SYNPR: variants seen among roughly 807,000 people sequenced by gnomAD.
SYNPR encodes synaptoporin.
SYNPR carries 23 observed loss-of-function variants against 32.9 expected under a neutral mutation model. The observed-to-expected ratio is 0.70, with a 90% CI of 0.50 to 0.99. SYNPR has a LOEUF of 0.99. Ranked by LOEUF, SYNPR falls within the 50% of genes least tolerant of loss-of-function variation. SYNPR has a pLI of 0.00. For synonymous variants in SYNPR, 146 were observed against 135.9 expected (o/e 1.07, Z -0.52); for missense variants, 318 against 349.3 (o/e 0.91, Z 0.71).
intron 2 of SYNPR, among the ~76,000 whole-genome samples, chr3:63,312,318 T>C (rs1210069059): frequency 5.9e-5 from 9 of 152,008 alleles, no homozygotes; most frequent in Admixed American, 5.9e-4. Flanking sequence ...GGCCAAAGAC[T>C]TAAATTTCTA....
At chr3:63,545,027 G>GA (rs35822196) in intron 3 of SYNPR, among the ~76,000 whole-genome samples, 78,120 of 146,544 alleles carry the variant, frequency 0.53, 20,688 homozygotes, top group East Asian at 0.67. Context: ...TGATTTAGGG[G>GA]AAAAAAAAAA....
intron 3 of SYNPR, among the ~76,000 whole-genome samples, chr3:63,517,287 T>G (rs551611601): frequency 4.5e-4 from 68 of 152,294 alleles, no homozygotes; most frequent in African/African-American, 1.5e-3. Context: ...GGGGAGATAC[T>G]AATGCTTGAG....
rs184145144 is a variant in SYNPR at position 63,389,717 on chromosome 3, C to G, written c.85-91115C>G. Among the ~76,000 whole-genome samples the G allele has an allele frequency of 3.9e-3, 600 of 152,284 alleles. 11 individuals carry two copies. The highest frequency in any genetic ancestry group is 0.014 in the African/African-American group (569 of 41,550). Reference sequence around the variant, plus strand: ...ATGCTGCCACCATAAAATGGATAAACGAATGTCAAGAACACCTGGCATGTA... The same window carrying G: ...ATGCTGCCACCATAAAATGGATAAAGGAATGTCAAGAACACCTGGCATGTA... On this transcript the variant is annotated intron_variant, in intron 2 of 5. Transcript: ENST00000478300.
intron 2 of SYNPR, among the ~76,000 whole-genome samples, chr3:63,342,115 C>T (rs776521111): frequency 4.6e-5 from 7 of 152,134 alleles, no homozygotes; most frequent in Non-Finnish European, 1.0e-4. Context: ...TTGTTGAAAA[C>T]ACTGTCTTCC....
intron 5 of SYNPR, among the ~76,000 whole-genome samples, chr3:63,611,875 A>G (rs1432789833): frequency 1.3e-5 from 2 of 152,080 alleles, no homozygotes. Context: ...TTATGAATAG[A>G]GGGTTTGGAG....
intron 3 of SYNPR, among the ~76,000 whole-genome samples, chr3:63,524,247 A>G (rs914580627): frequency 2.0e-5 from 3 of 152,186 alleles, no homozygotes; most frequent in African/African-American, 7.2e-5. Flanking sequence ...TCACCGAAAA[A>G]AATCATCTCA....
At chr3:63,256,581 T>C (rs533534413) in intron 2 of SYNPR, among the ~76,000 whole-genome samples, 98 of 152,180 alleles carry the variant, frequency 6.4e-4, no homozygotes, top group African/African-American at 2.2e-3. Flanking sequence ...GTCACCATCA[T>C]CAAAGACCAA....
At chr3:63,276,170 C>T (rs905233454), upstream of SYNPR, among the ~76,000 whole-genome samples, 7 of 152,078 alleles carry the variant, frequency 4.6e-5, no homozygotes, top group African/African-American at 1.7e-4. Flanking sequence ...GTTGGCAAAT[C>T]ACTTGGTGGT....
intron 2 of SYNPR, among the ~76,000 whole-genome samples, chr3:63,289,892 A>G (rs2086721712): frequency 6.6e-6 from 1 of 152,072 alleles, no homozygotes; most frequent in Non-Finnish European, 1.5e-5. Flanking sequence ...GCACTTTGGG[A>G]GGCTGAGGCA....
rs148394334 is a variant in SYNPR, at chr3:63,345,457, C to T, written c.84+66715C>T. Among the ~76,000 whole-genome samples, 302 of 152,236 alleles carry T rather than the reference C, an allele frequency of 2.0e-3. 1 individual carries two copies. The highest frequency in any genetic ancestry group is 6.7e-3 in the African/African-American group (279 of 41,534). On this transcript the variant is annotated intron_variant, in intron 2 of 5. Transcript: ENST00000478300. The stretch of plus-strand genomic sequence containing the variant: ...GGGCTGTCTCCATCCCTGGGCCTGT[C>T]GGGCTGCAGAAGAGAAGAAGCCCTC...
chr3:63,211,917 A>G, the SYNPR span, among the ~76,000 whole-genome samples: 1 of 98,020 alleles, frequency 1.0e-5, no homozygotes, highest in Non-Finnish European at 2.0e-5. Context: ...TGTCCATGTG[A>G]TCTCATTGTT....
intron 4 of SYNPR, among the ~76,000 whole-genome samples, chr3:63,570,353 A>G (rs1444156152): frequency 2.6e-5 from 4 of 152,158 alleles, no homozygotes; most frequent in Non-Finnish European, 5.9e-5. Flanking sequence ...ACACCATTGT[A>G]TCTCTGGCTT....
intron 4 of SYNPR, among the ~76,000 whole-genome samples, chr3:63,597,092 C>A (rs1421741746): frequency 1.3e-5 from 2 of 151,998 alleles, no homozygotes; most frequent in African/African-American, 2.4e-5. Context: ...TAATCAATTG[C>A]ATCAATTTCT....
rs371583240 is a variant in SYNPR, at chr3:63,529,973, G to A, written c.210-26570G>A. Among the ~76,000 whole-genome samples, 341 of 152,246 alleles carry A rather than the reference G, an allele frequency of 2.2e-3. 2 individuals are homozygous for A. Among genetic ancestry groups the A allele is most frequent in the South Asian group, 7.9e-3 (38 of 4,824 alleles). On this transcript the variant is annotated intron_variant, in intron 3 of 5. Coordinates refer to ENST00000478300, the MANE Select transcript of SYNPR (RefSeq NM_001130003.2). The stretch of plus-strand genomic sequence containing the variant: ...AACTTGACTTCCCCACTCTGGCATG[G>A]TGCATTGCTAATAGTCCAGCAGCTA...
intron 2 of SYNPR, among the ~76,000 whole-genome samples, chr3:63,255,125 T>C (rs1344789175): frequency 4.6e-5 from 7 of 152,300 alleles, no homozygotes; most frequent in Admixed American, 4.6e-4. Context: ...CCTTCCCCTG[T>C]CGTGACAAAC....
chr3:63,482,920 A>C (rs951326904), intron 3 of SYNPR, among the ~76,000 whole-genome samples: 1 of 152,222 alleles, frequency 6.6e-6, no homozygotes, highest in African/African-American at 2.4e-5. Flanking sequence ...TACGGTTAGC[A>C]AGATGCTGGT....
At chr3:63,291,040 C>T (rs960891647) in intron 2 of SYNPR, among the ~76,000 whole-genome samples, 3 of 152,044 alleles carry the variant, frequency 2.0e-5, no homozygotes, top group Admixed American at 6.6e-5. Flanking sequence ...GCATGGAGAT[C>T]CTGAGAGGTA....
intron 2 of SYNPR, among the ~76,000 whole-genome samples, chr3:63,455,546 C>T (rs1055347692): frequency 3.9e-5 from 6 of 152,004 alleles, no homozygotes; most frequent in African/African-American, 1.2e-4. Context: ...CTAGGATGTT[C>T]GGCCATCCTT....
At chr3:63,542,701 C>G (rs1256119921) in intron 3 of SYNPR, among the ~76,000 whole-genome samples, 1 of 152,086 alleles carries the variant, frequency 6.6e-6, no homozygotes. Context: ...TCAGTACTCA[C>G]TGAGGACAGA....
Sources: allele counts gnomAD v4.1 joint callset (sites outside exome capture counted in the v4.1 genomes callset), GRCh38; gene constraint gnomAD v4.1.1; transcripts MANE v1.5; gene names NCBI Gene and HGNC (gene_info 2026-07-23, HGNC 2026-07-21).